Variants in PRKN observed in about 807,000 individuals in gnomAD.
PRKN encodes parkin RBR E3 ubiquitin protein ligase, also known as E3 ubiquitin-protein ligase parkin.
Under a neutral mutation model 59.5 loss-of-function variants are expected in PRKN, and 56 were observed. The observed-to-expected ratio is 0.94, with a 90% CI of 0.76 to 1.18. The LOEUF is 1.18. Ranked by LOEUF, PRKN falls within the 50% of genes most tolerant of loss-of-function variation. The pLI, the probability that PRKN is intolerant of heterozygous loss-of-function variation, is 0.00. For synonymous variants in PRKN, 250 were observed against 222.1 expected, an observed-to-expected ratio of 1.13 and a Z score of -1.12; for missense variants, 657 against 596.4, an observed-to-expected ratio of 1.10 and a Z score of -1.06.
rs559671059 is a variant in PRKN, at chr6:162,128,462, TGA to T, written c.534+72667_534+72668del. Among the ~76,000 whole-genome samples, 85 of 151,864 alleles carry T rather than the reference TGA, an allele frequency of 5.6e-4. 2 individuals carry two copies. Among genetic ancestry groups the T allele is most frequent in the African/African-American group, 2.1e-3 (85 of 41,424 alleles). ...CTAGATCATAGTATGTGGCAAAAAG[TGA>T]GAGAGATGGGAAAGAGGCCAAACGT... is the stretch of plus-strand genomic sequence containing the variant. On this transcript the variant is annotated intron_variant, in intron 4 of 11. Coordinates refer to ENST00000366898, the MANE Select transcript of PRKN (RefSeq NM_004562.3).
chr6:161,900,129 T>G (rs1178317541), intron 6 of PRKN, among the ~76,000 whole-genome samples: 5 of 151,412 alleles, frequency 3.3e-5, no homozygotes. Flanking sequence ...TAAAATAAAA[T>G]AAAATAAAAT....
At chr6:162,402,820 T>G (rs188752108) in intron 2 of PRKN, among the ~76,000 whole-genome samples, 50 of 151,998 alleles carry the variant, frequency 3.3e-4, no homozygotes, top group Non-Finnish European at 4.4e-4. Flanking sequence ...TCTGAGTGAT[T>G]GTTTTTTAGC....
At chr6:161,846,153 T>G (rs1793190893) in intron 6 of PRKN, among the ~76,000 whole-genome samples, 1 of 152,174 alleles carries the variant, frequency 6.6e-6, no homozygotes, top group African/African-American at 2.4e-5. Context: ...CTATCCCATG[T>G]GAAGAGAAGT....
rs1785756248 is a variant in PRKN at position 161,377,254 on chromosome 6, G to A, written c.1167+9540C>T. The stretch of plus-strand genomic sequence containing the variant: ...GAGTTGGAGCATCTGTGCAGCAATT[G>A]TCATAAGACAGAAGTGGGGCATCTA... On this transcript the variant is annotated intron_variant, in intron 10 of 11. Transcript: ENST00000366898. The surrounding 1 kb of genome is among the most constrained non-coding windows in gnomAD (Gnocchi z 4.2). Among the ~76,000 whole-genome samples the A allele has an allele frequency of 6.6e-6, 1 of 152,256 alleles. No individual in the cohort carries two copies. The highest frequency in any genetic ancestry group is 2.1e-4 in the South Asian group (1 of 4,838).
intron 1 of PRKN, among the ~76,000 whole-genome samples, chr6:162,594,184 G>A (rs773712113): frequency 6.6e-6 from 1 of 151,998 alleles, no homozygotes; most frequent in African/African-American, 2.4e-5. Flanking sequence ...CTTTGGAAGA[G>A]TAGTCTTAAA....
chr6:162,124,036 C>A (rs1220522382), intron 4 of PRKN, among the ~76,000 whole-genome samples: 2 of 152,128 alleles, frequency 1.3e-5, no homozygotes, highest in South Asian at 4.2e-4. Flanking sequence ...ACCCGAGCAA[C>A]AATTGCTTCT....
intron 1 of PRKN, among the ~76,000 whole-genome samples, chr6:162,616,252 T>C (rs571047658): frequency 6.6e-6 from 1 of 152,268 alleles, no homozygotes; most frequent in African/African-American, 2.4e-5. Flanking sequence ...TGGTAGAGTA[T>C]TTATTTGCTT....
intron 1 of PRKN, among the ~76,000 whole-genome samples, chr6:162,482,100 A>C (rs1402988135): frequency 6.6e-6 from 1 of 152,108 alleles, no homozygotes. Flanking sequence ...CAGAATAACT[A>C]TGTTTACTCA....
chr6:162,297,855 C>T (rs1171243384), intron 2 of PRKN, among the ~76,000 whole-genome samples: 1 of 152,096 alleles, frequency 6.6e-6, no homozygotes, highest in Non-Finnish European at 1.5e-5. Context: ...ATGCCCAGTC[C>T]TAGCTAAAAA....
chr6:161,577,251 C>T (rs188982775), intron 7 of PRKN, among the ~76,000 whole-genome samples: 15 of 152,206 alleles, frequency 9.9e-5, no homozygotes, highest in South Asian at 2.1e-4. Flanking sequence ...TTAAAGATGG[C>T]GAAATCGAGG....
At chr6:161,605,435 C>G (rs1782241575) in intron 7 of PRKN, among the ~76,000 whole-genome samples, 1 of 151,814 alleles carries the variant, frequency 6.6e-6, no homozygotes, top group African/African-American at 2.4e-5. Context: ...TAATAGCAAT[C>G]TATTCTATTT....
intron 6 of PRKN, among the ~76,000 whole-genome samples, chr6:161,924,095 T>A (rs1778880713): frequency 6.6e-6 from 1 of 152,210 alleles, no homozygotes; most frequent in Non-Finnish European, 1.5e-5. Flanking sequence ...ATTCCTCGTC[T>A]GTGAAATGGG....
intron 4 of PRKN, among the ~76,000 whole-genome samples, chr6:162,104,770 T>C (rs1216105881): frequency 6.6e-6 from 1 of 151,812 alleles, no homozygotes; most frequent in Admixed American, 6.6e-5. Context: ...GTTTCAGGAG[T>C]AGGAGGAAAA....
At chr6:162,250,143 C>G (rs547784644) in intron 3 of PRKN, among the ~76,000 whole-genome samples, 2 of 149,778 alleles carry the variant, frequency 1.3e-5, no homozygotes, top group African/African-American at 5.0e-5. Context: ...AGCAAGACTC[C>G]GTCTCAAAAA....
At chr6:162,017,532 C>T (rs1782973877) in intron 5 of PRKN, among the ~76,000 whole-genome samples, 1 of 152,120 alleles carries the variant, frequency 6.6e-6, no homozygotes, top group African/African-American at 2.4e-5. Flanking sequence ...CAATGTAACA[C>T]TGAAAATTTT....
At chr6:161,438,440 T>C (rs975321211) in intron 9 of PRKN, among the ~76,000 whole-genome samples, 3 of 151,900 alleles carry the variant, frequency 2.0e-5, no homozygotes, top group African/African-American at 2.4e-5. Flanking sequence ...ATGGTCTCTG[T>C]CTCTTGACCT....
chr6:162,225,886 G>GTATATA (rs58925653), intron 3 of PRKN, among the ~76,000 whole-genome samples: 5,367 of 143,102 alleles, frequency 0.038, 165 homozygotes, highest in East Asian at 0.17. Context: ...ATGTAGGGCT[G>GTATATA]TATATATATA....
At chr6:161,815,288 T>C (rs1791727810) in intron 6 of PRKN, among the ~76,000 whole-genome samples, 1 of 152,232 alleles carries the variant, frequency 6.6e-6, no homozygotes, top group South Asian at 2.1e-4. Flanking sequence ...ACTAGAGGTA[T>C]TGTACTTTGA....
chr6:161,375,644 C>G (rs1273989523), intron 10 of PRKN, among the ~76,000 whole-genome samples: 1 of 152,146 alleles, frequency 6.6e-6, no homozygotes, highest in Non-Finnish European at 1.5e-5. Context: ...AGCCTTTGAG[C>G]AACTTGCCTG....
Sources: allele counts gnomAD v4.1 joint callset (sites outside exome capture counted in the v4.1 genomes callset), GRCh38; gene constraint gnomAD v4.1.1; non-coding constraint Gnocchi (gnomAD v3.1); transcripts MANE v1.5; gene names NCBI Gene and HGNC (gene_info 2026-07-23, HGNC 2026-07-21).